CABLES1: variants seen among roughly 807,000 people sequenced by gnomAD.
CABLES1 encodes Cdk5 and Abl enzyme substrate 1.
Under a neutral mutation model 57.8 loss-of-function variants are expected in CABLES1, and 36 were observed. The observed-to-expected ratio is 0.62, with a 90% CI of 0.48 to 0.82. The LOEUF (loss-of-function observed/expected upper bound fraction) is 0.82. Among genes scored for constraint, CABLES1 ranks in the 40% least tolerant of loss-of-function variants. CABLES1 has a pLI of 0.00. For synonymous variants in CABLES1, 374 were observed against 363.0 expected, an observed-to-expected ratio of 1.03 and a Z score of -0.35; for missense variants, 767 against 836.6, an observed-to-expected ratio of 0.92 and a Z score of 1.03.
At position 23,258,161 on chromosome 18, in the gene CABLES1, C is replaced by CGG. The variant is rs2145150323; in HGVS notation, c.*795_*796insGG. ...GTCAGTCGCGTGGAAGGACGTGGAG[C>CGG]GTGGCGCTCTGTAACTTCCTGCCGT... On this transcript the variant is annotated 3_prime_UTR_variant, in exon 10 of 10. Transcript: ENST00000256925. 1 of 152,514 alleles carries CGG rather than the reference C, an allele frequency of 6.6e-6. No homozygotes were observed. Among genetic ancestry groups the CGG allele is most frequent in the Admixed American group, 6.5e-5 (1 of 15,304 alleles). 9.4% of individuals were successfully genotyped at this position (152,514 alleles called of 1,614,324 possible).
rs750557685 is a variant in CABLES1 at position 23,257,392 on chromosome 18, G to A, written c.*25G>A. ...GCACTGGCCCCGAGGACAGCCAAGG[G>A]CCATTTCTTCTCAGCTTGGTGGAGC... On this transcript the variant is annotated 3_prime_UTR_variant, in exon 10 of 10. Transcript: ENST00000256925. 3.2e-6 allele frequency: 5 copies of A among 1,564,496 alleles called. No individual in the cohort carries two copies. The highest frequency in any genetic ancestry group is 1.2e-5 in the South Asian group (1 of 83,994).
At chr18:23,222,754 G>A (rs1249398746) in intron 4 of CABLES1, among the ~76,000 whole-genome samples, 1 of 151,162 alleles carries the variant, frequency 6.6e-6, no homozygotes, top group Non-Finnish European at 1.5e-5. Flanking sequence ...GGATGGAGTT[G>A]GATGGTTGGC....
intron 2 of CABLES1, among the ~76,000 whole-genome samples, chr18:23,192,748 G>A (rs572870799): frequency 1.2e-3 from 184 of 152,304 alleles, no homozygotes; most frequent in African/African-American, 4.2e-3. Flanking sequence ...CCTTCTTTGC[G>A]TGTGTGTGAC....
chr18:23,222,492 A>G (rs759355196), intron 4 of CABLES1, among the ~76,000 whole-genome samples: 29 of 141,534 alleles, frequency 2.0e-4, no homozygotes, highest in Middle Eastern at 3.5e-3. Flanking sequence ...GAGAATTGCT[A>G]TGTTTATGAA....
chr18:23,223,999 G>A (rs1007270773), intron 4 of CABLES1, among the ~76,000 whole-genome samples: 5 of 151,804 alleles, frequency 3.3e-5, no homozygotes, highest in African/African-American at 1.2e-4. Context: ...TGAAGTGGAA[G>A]ATAGTTAAGG....
chr18:23,157,925 G>T (rs2046976471), intron 1 of CABLES1, among the ~76,000 whole-genome samples: 1 of 152,092 alleles, frequency 6.6e-6, no homozygotes, highest in Non-Finnish European at 1.5e-5. Context: ...TATTCTCCAC[G>T]TTGGGCAATT....
chr18:23,241,346 C>T (rs142990114), intron 7 of CABLES1, among the ~76,000 whole-genome samples: 144 of 152,040 alleles, frequency 9.5e-4, no homozygotes, highest in Non-Finnish European at 1.7e-3. Flanking sequence ...GCCTGGCTAA[C>T]GTGATGAAAC....
intron 7 of CABLES1, among the ~76,000 whole-genome samples, chr18:23,238,554 TA>T (rs754714561): frequency 3.9e-4 from 59 of 152,332 alleles, no homozygotes; most frequent in Non-Finnish European, 6.8e-4. Context: ...TCTGTTTATT[TA>T]AAAAACCAGG....
At chr18:23,156,594 T>C (rs112771156) in intron 1 of CABLES1, among the ~76,000 whole-genome samples, 5 of 152,354 alleles carry the variant, frequency 3.3e-5, no homozygotes, top group African/African-American at 1.2e-4. Context: ...GAAATACTGA[T>C]CCATTGCTCC....
chr18:23,170,069 A>G (rs1246111402), intron 1 of CABLES1, among the ~76,000 whole-genome samples: 1 of 152,170 alleles, frequency 6.6e-6, no homozygotes, highest in African/African-American at 2.4e-5. Flanking sequence ...CTGTCCTTCT[A>G]AGAGCGGGAC....
chr18:23,209,284 C>G (rs941312321), intron 3 of CABLES1, among the ~76,000 whole-genome samples: 3 of 152,200 alleles, frequency 2.0e-5, no homozygotes, highest in African/African-American at 7.2e-5. Context: ...ATACAGGCGT[C>G]AGTGCTATCC....
Position 23,140,938 on chromosome 18 carries a change from G to A in CABLES1, c.845+4331G>A, listed in dbSNP as rs75686880. Among the ~76,000 whole-genome samples, 859 of 152,258 alleles carry A rather than the reference G, an allele frequency of 5.6e-3. 11 individuals carry two copies. Among genetic ancestry groups the A allele is most frequent in the African/African-American group, 0.019 (784 of 41,540 alleles). ...CTGAGAACCTTGGCTTGTGTCTCAG[G>A]CCCTTTCTAGTGTAAAATGCACTTA... On this transcript the variant is annotated intron_variant, in intron 1 of 9. Transcript: ENST00000256925.
chr18:23,245,503 CAAAAAAAAA>C (rs914289893), intron 7 of CABLES1, among the ~76,000 whole-genome samples: 1 of 94,570 alleles, frequency 1.1e-5, no homozygotes, highest in Non-Finnish European at 2.2e-5. Context: ...CATCCTGTCT[CAAAAAAAAA>C]AAAAAAAAGC....
At chr18:23,155,805 C>G in intron 1 of CABLES1, 1 of 1,591,562 alleles carries the variant, frequency 6.3e-7, no homozygotes. Context: ...TTGGTCTCAA[C>G]AGTGCTTGCT....
At position 23,253,005 on chromosome 18, in the gene CABLES1, A is replaced by G; in HGVS notation, c.1492A>G (p.Met498Val). Residue 498 changes from methionine to valine, a missense_variant, in exon 8 of 10, where the codon ATG becomes GTG. By Grantham distance (21) the Met-to-Val change is conservative. Transcript: ENST00000256925. ...GAAGCCCTCGGATCTCAAGAAGGACATGAACGAGACCTTCAAGGAGAAGTT... is the reference window on the plus strand; with the variant it reads ...GAAGCCCTCGGATCTCAAGAAGGACGTGAACGAGACCTTCAAGGAGAAGTT... ...YVKPSDLKKDMNETFKEKFPH... is the reference protein window; with the variant it reads ...YVKPSDLKKDVNETFKEKFPH... 3.1e-6 allele frequency: 5 copies of G among 1,613,950 alleles called. No individual in the cohort carries two copies. The highest frequency in any genetic ancestry group is 4.2e-6 in the Non-Finnish European group (5 of 1,179,824).
intron 4 of CABLES1, among the ~76,000 whole-genome samples, chr18:23,232,347 A>G (rs17259063): frequency 0.047 from 7,218 of 152,320 alleles, 619 homozygotes; most frequent in Admixed American, 0.22. Context: ...TAGGAAGCCC[A>G]TGGAACTGAG....
Position 23,249,930 on chromosome 18 carries a change from C to T in CABLES1, c.1447-3030C>T, listed in dbSNP as rs1323601601. ...ACTCTGGGAGACCAGGATCCCAGCG[C>T]TGGCCCCTGCCTGCGGCTCACTCAG... On this transcript the variant is annotated intron_variant, in intron 7 of 9. Transcript: ENST00000256925. 8.5e-5 allele frequency among the ~76,000 whole-genome samples: 13 copies of T among 152,222 alleles called. No homozygotes were observed. The East Asian group carries it at 2.3e-3, about 27-fold the overall frequency.
chr18:23,154,402 T>G lies in CABLES1; in HGVS notation c.845+17795T>G, dbSNP rs2046952426. Among the ~76,000 whole-genome samples, 4 of 152,186 alleles carry G rather than the reference T, an allele frequency of 2.6e-5. No homozygotes were observed. The South Asian group carries it at 8.3e-4, about 32-fold the overall frequency. On this transcript the variant is annotated intron_variant, in intron 1 of 9. Transcript: ENST00000256925. ...TTCATAATAGCGTGCCTGTTTAACTTGATCATCTACCGAGCCATAGGGAAA... is the reference window on the plus strand; with the variant it reads ...TTCATAATAGCGTGCCTGTTTAACTGGATCATCTACCGAGCCATAGGGAAA...
intron 4 of CABLES1, among the ~76,000 whole-genome samples, chr18:23,229,933 T>TTC (rs1418629245): frequency 6.6e-6 from 1 of 152,226 alleles, no homozygotes; most frequent in Non-Finnish European, 1.5e-5. Context: ...GAACAGCAAT[T>TTC]TCATGTTTCA....
Sources: allele counts gnomAD v4.1 joint callset (sites outside exome capture counted in the v4.1 genomes callset), GRCh38; gene constraint gnomAD v4.1.1; transcripts MANE v1.5; gene names NCBI Gene and HGNC (gene_info 2026-07-23, HGNC 2026-07-21).